The following PACRG variants were observed in gnomAD, a reference collection of about 807,000 sequenced individuals.
PACRG encodes parkin coregulated, also known as parkin coregulated gene protein.
In PACRG, 29 loss-of-function variants were observed where a neutral mutation model predicts 29.7. The observed-to-expected ratio is 0.98, with a 90% CI of 0.73 to 1.33. The LOEUF (loss-of-function observed/expected upper bound fraction) is 1.33, where lower values mean the gene tolerates loss of function less well. PACRG is among the 40% of genes most tolerant of loss of function. The pLI is 0.00. For missense variants in PACRG, 279 were observed against 316.2 expected, an observed-to-expected ratio of 0.88 and a Z score of 0.89; for synonymous variants, 116 against 118.7, an observed-to-expected ratio of 0.98 and a Z score of 0.15.
intron 1 of PACRG, among the ~76,000 whole-genome samples, chr6:162,800,815 T>C (rs935220829): frequency 1.3e-5 from 2 of 152,162 alleles, no homozygotes; most frequent in Non-Finnish European, 2.9e-5. Flanking sequence ...CTGCCAGCCC[T>C]TGTTGCCTGT....
At chr6:162,920,064 T>C (rs994563973) in intron 2 of PACRG, among the ~76,000 whole-genome samples, 5 of 152,012 alleles carry the variant, frequency 3.3e-5, no homozygotes, top group Non-Finnish European at 7.4e-5. Context: ...TCACTCACAA[T>C]CTCATCATTC....
At chr6:162,835,362 A>G (rs1331432836) in intron 2 of PACRG, among the ~76,000 whole-genome samples, 3 of 152,136 alleles carry the variant, frequency 2.0e-5, no homozygotes, top group Non-Finnish European at 2.9e-5. Context: ...AAGATATAAT[A>G]TGATCTGGTC....
intron 2 of PACRG, among the ~76,000 whole-genome samples, chr6:162,940,281 C>T (rs996215899): frequency 6.6e-6 from 1 of 152,122 alleles, no homozygotes; most frequent in South Asian, 2.1e-4. Flanking sequence ...CTGTTCTAGG[C>T]AAGGCAGAGA....
chr6:162,982,091 A>G (rs1802485912), intron 2 of PACRG, among the ~76,000 whole-genome samples: 1 of 151,884 alleles, frequency 6.6e-6, no homozygotes, highest in African/African-American at 2.4e-5. Flanking sequence ...AAAGGTGTCT[A>G]CAGTAGCTTT....
intron 4 of PACRG, among the ~76,000 whole-genome samples, chr6:163,272,316 C>T (rs192930879): frequency 4.6e-5 from 7 of 152,282 alleles, no homozygotes; most frequent in African/African-American, 1.2e-4. Context: ...GGATTACAGG[C>T]GTAAGCCACC....
intron 4 of PACRG, chr6:163,189,433 A>G (rs1585315728): frequency 6.6e-6 from 1 of 152,242 alleles, no homozygotes; most frequent in Non-Finnish European, 1.5e-5. Context: ...TCAGGGATGG[A>G]TGTTTATTAC....
chr6:162,948,878 A>G (rs1022688114), intron 2 of PACRG, among the ~76,000 whole-genome samples: 3 of 152,180 alleles, frequency 2.0e-5, no homozygotes, highest in African/African-American at 7.2e-5. Flanking sequence ...TCAAAATGTC[A>G]AAAAATAAAT....
At chr6:163,183,530 T>C (rs934699697) in intron 4 of PACRG, 1 of 151,476 alleles carries the variant, frequency 6.6e-6, no homozygotes. Context: ...TTCCCATCAG[T>C]GGGAAGCAGA....
At chr6:163,289,816 G>C (rs1784524383) in intron 4 of PACRG, among the ~76,000 whole-genome samples, 1 of 151,944 alleles carries the variant, frequency 6.6e-6, no homozygotes, top group African/African-American at 2.4e-5. Flanking sequence ...GCACCACTCA[G>C]TCCTCTTCTG....
intron 2 of PACRG, among the ~76,000 whole-genome samples, chr6:163,046,317 T>C (rs1264310914): frequency 1.9e-5 from 2 of 106,670 alleles, no homozygotes; most frequent in East Asian, 5.4e-4. Context: ...AGAGCTTTTT[T>C]CCACGTAGCC....
chr6:163,182,894 G>A (rs972789955), intron 4 of PACRG: 4 of 152,194 alleles, frequency 2.6e-5, no homozygotes, highest in Admixed American at 6.5e-5. Flanking sequence ...CCAAAAGATC[G>A]GGAGATGAGT....
At chr6:163,268,173 G>T (rs1783602102) in intron 4 of PACRG, among the ~76,000 whole-genome samples, 1 of 152,086 alleles carries the variant, frequency 6.6e-6, no homozygotes, top group Non-Finnish European at 1.5e-5. Context: ...GGCCGAGGCG[G>T]GTGGATCACA....
chr6:162,728,527 G>A, intron 1 of PACRG, 136 bp downstream of exon 1: 1 of 1,011,834 alleles, frequency 9.9e-7, no homozygotes, highest in Non-Finnish European at 1.4e-6. Flanking sequence ...TACTTGGCAA[G>A]TAGCAAACGG....
chr6:162,984,435 G>A (rs1802702755), intron 2 of PACRG, among the ~76,000 whole-genome samples: 1 of 151,972 alleles, frequency 6.6e-6, no homozygotes, highest in Non-Finnish European at 1.5e-5. Context: ...TGGGCATATG[G>A]GCTGGTTCCA....
chr6:163,303,832 A>C (rs1224690753), intron 4 of PACRG, among the ~76,000 whole-genome samples: 2 of 151,808 alleles, frequency 1.3e-5, no homozygotes, highest in Non-Finnish European at 2.9e-5. Flanking sequence ...AACATGGTGA[A>C]ACCCCATCTC....
intron 1 of PACRG, among the ~76,000 whole-genome samples, chr6:162,732,385 C>T (rs532589641): frequency 6.6e-6 from 1 of 152,290 alleles, no homozygotes; most frequent in African/African-American, 2.4e-5. Context: ...AAACAGCAAT[C>T]CTCACTCCTG....
chr6:163,224,484 G>C (rs1262673465), intron 4 of PACRG, among the ~76,000 whole-genome samples: 4 of 149,242 alleles, frequency 2.7e-5, no homozygotes, highest in African/African-American at 9.9e-5. Context: ...CATAAAAACA[G>C]ACATGTAGAC....
chr6:162,988,155 A>G (rs1803070052), intron 2 of PACRG, among the ~76,000 whole-genome samples: 1 of 152,180 alleles, frequency 6.6e-6, no homozygotes, highest in Non-Finnish European at 1.5e-5. Flanking sequence ...GAGTCTCCAC[A>G]TGCTTTTCTC....
intron 4 of PACRG, among the ~76,000 whole-genome samples, chr6:163,308,389 G>T (rs1318045007): frequency 6.6e-6 from 1 of 152,182 alleles, no homozygotes; most frequent in African/African-American, 2.4e-5. Flanking sequence ...AATTTGGCTG[G>T]GTGTGGTGGC....
Sources: allele counts gnomAD v4.1 joint callset (sites outside exome capture counted in the v4.1 genomes callset), GRCh38; gene constraint gnomAD v4.1.1; transcripts MANE v1.5; gene names NCBI Gene and HGNC (gene_info 2026-07-23, HGNC 2026-07-21).